BRD7: variants seen among roughly 807,000 people sequenced by gnomAD.
BRD7 encodes bromodomain-containing protein 7.
A neutral mutation model predicts 82.1 loss-of-function variants in BRD7; 15 were observed. The observed-to-expected ratio is 0.18, with a 90% CI of 0.12 to 0.28. BRD7 has a LOEUF of 0.28. Ranked by LOEUF, BRD7 falls within the 10% of genes least tolerant of loss-of-function variation. The pLI is 1.00. For missense variants in BRD7, 638 were observed against 779.9 expected (o/e 0.82, Z 2.17); for synonymous variants, 232 against 266.9 (o/e 0.87, Z 1.27).
intron 1 of BRD7, chr16:50,368,515 C>G (rs975001311): frequency 2.7e-6 from 2 of 728,642 alleles, no homozygotes; most frequent in African/African-American, 3.8e-5. Flanking sequence ...CACGTCTCCC[C>G]ACCAGAGACC....
rs1239550202 is a variant in BRD7 at position 50,324,666 on chromosome 16, C to T, written c.1332-968G>A. Among the ~76,000 whole-genome samples the T allele has an allele frequency of 2.0e-5, 3 of 152,340 alleles. No homozygotes were observed. In the East Asian group the frequency reaches 5.8e-4, roughly 29 times the overall value. On this transcript the variant is annotated intron_variant, in intron 11 of 16. Coordinates refer to ENST00000394688, the MANE Select transcript of BRD7 (RefSeq NM_013263.5). ...CTCACCTCCTTCAGTTTTTGCTCAA[C>T]TTTCCCTTTTGTACCAGACTTATCT...
At chr16:50,350,294 TAACTGAA>T (rs1209812542) in intron 4 of BRD7, 127 bp from the exon 5 acceptor site, 3 of 655,710 alleles carry the variant, frequency 4.6e-6, no homozygotes, top group African/African-American at 3.8e-5. Context: ...AACATATTTT[TAACTGAA>T]AACTGAAGAA....
chr16:50,348,027 T>C (rs137859616), intron 5 of BRD7, among the ~76,000 whole-genome samples: 22,737 of 152,150 alleles, frequency 0.15, 2,128 homozygotes, highest in Non-Finnish European at 0.21. Context: ...AAGACTACAG[T>C]AACCAAAACA....
intron 2 of BRD7, among the ~76,000 whole-genome samples, chr16:50,366,869 G>A (rs1362563): frequency 0.37 from 56,211 of 152,014 alleles, 12,046 homozygotes; most frequent in Middle Eastern, 0.49. Flanking sequence ...ATTGGGGTGA[G>A]GAAAACTTTT....
chr16:50,320,793 C>T lies in BRD7; in HGVS notation c.1501-19G>A. 1 of 1,554,258 alleles carries T rather than the reference C, an allele frequency of 6.4e-7. No individual in the cohort carries two copies. The stretch of plus-strand genomic sequence containing the variant: ...CTGTAATCTGCTTCAAAAGGAAAAA[C>T]AGGCAATTACTGGCGCTTGCTAAGC... On this transcript the variant is annotated intron_variant, in intron 13 of 16. Transcript: ENST00000394688.
chr16:50,350,009 G>A lies in BRD7; in HGVS notation c.591+14C>T, dbSNP rs1283126916. 6.4e-7 allele frequency: 1 copy of A among 1,560,472 alleles called. No homozygotes were observed. ...TTCTACCAAGATTTTGTGTATATAGGATTGAAGAGTTACCTTTAGTTCTTC... is the reference window on the plus strand; with the variant it reads ...TTCTACCAAGATTTTGTGTATATAGAATTGAAGAGTTACCTTTAGTTCTTC... On this transcript the variant is annotated intron_variant, in intron 5 of 16. Transcript: ENST00000394688.
At chr16:50,331,913 C>A (rs901857006) in intron 8 of BRD7, among the ~76,000 whole-genome samples, 1 of 152,124 alleles carries the variant, frequency 6.6e-6, no homozygotes, top group African/African-American at 2.4e-5. Flanking sequence ...CAATAAATGG[C>A]GCTAAGAAAA....
intron 9 of BRD7, among the ~76,000 whole-genome samples, chr16:50,327,214 A>C (rs368129789): frequency 6.6e-5 from 10 of 152,200 alleles, no homozygotes; most frequent in African/African-American, 2.4e-4. Context: ...AAACCATGAA[A>C]GTGGCCTACA....
At position 50,344,149 on chromosome 16, in the gene BRD7, G is replaced by C. The variant is rs568139623; in HGVS notation, c.592-4063C>G. ...CCTCTGCTGGTGATACCCAAACAGG[G>C]TCTGGAGTAGACCCCCAGCAAACTC... is the stretch of plus-strand genomic sequence containing the variant. On this transcript the variant is annotated intron_variant, in intron 5 of 16. Coordinates refer to ENST00000394688, the MANE Select transcript of BRD7 (RefSeq NM_013263.5). Among the ~76,000 whole-genome samples, 3 of 145,908 alleles carry C rather than the reference G, an allele frequency of 2.1e-5. No homozygotes were observed. The Admixed American group carries it at 2.1e-4, about 10-fold the overall frequency.
rs1205618798 is a variant in BRD7 at position 50,317,749 on chromosome 16, ATTTTG to A, written c.*1457_*1461del. ...AAATTACCAAGTAATTACTGGTGTC[ATTTTG>A]TTTTATGACAGACACACGTATCTAA... On this transcript the variant is annotated 3_prime_UTR_variant, in exon 17 of 17. Coordinates refer to ENST00000394688, the MANE Select transcript of BRD7 (RefSeq NM_013263.5). The A allele has an allele frequency of 6.6e-6, 1 of 152,350 alleles. No individual in the cohort carries two copies. Among genetic ancestry groups the A allele is most frequent in the Admixed American group, 6.5e-5 (1 of 15,288 alleles). 9.4% of individuals were successfully genotyped at this position (152,350 alleles called of 1,614,324 possible).
Position 50,319,759 on chromosome 16 carries a change from TA to T in BRD7, c.1900+127del, listed in dbSNP as rs1473262014. ...CTTTTATGTTAGGGACTTGAGCATC[TA>T]CAGATTTTGCTATCTTTGTGGGGTA... On this transcript the variant is annotated intron_variant, in intron 16 of 16. Transcript: ENST00000394688. The T allele has an allele frequency of 5.0e-6, 6 of 1,201,008 alleles. No homozygotes were observed. In the East Asian group the frequency reaches 1.4e-4, roughly 28 times the overall value. The allele number at this position is 1,201,008 out of a possible 1,614,324, so 74.4% of individuals were successfully genotyped here. A position where few individuals can be genotyped will look rare whatever the true frequency, so the allele number is the denominator to read the frequency against.
At chr16:50,356,773 T>C (rs1301677497) in intron 2 of BRD7, among the ~76,000 whole-genome samples, 3 of 151,864 alleles carry the variant, frequency 2.0e-5, no homozygotes, top group Non-Finnish European at 2.9e-5. Flanking sequence ...TATGGCTAAA[T>C]GTTGAGATCT....
Position 50,368,867 on chromosome 16 carries a change from G to T in BRD7, c.-93C>A, listed in dbSNP as rs2039266683. 15 of 907,364 alleles carry T rather than the reference G, an allele frequency of 1.7e-5. No homozygotes were observed. The highest frequency in any genetic ancestry group is 2.0e-5 in the Non-Finnish European group (15 of 736,010). 56.2% of individuals were successfully genotyped at this position (907,364 alleles called of 1,614,324 possible). A position where few individuals can be genotyped will look rare whatever the true frequency, so the allele number is the denominator to read the frequency against. The stretch of plus-strand genomic sequence containing the variant: ...GGCCAGGCGAGCGGAGGGCGGGAGC[G>T]GGGCCCGCGAGACCCCGCGCCGCGA... On this transcript the variant is annotated 5_prime_UTR_variant, in exon 1 of 17. Transcript: ENST00000394688.
In BRD7 at chr16:50,318,461, G is replaced by T. The variant is rs190257513; in HGVS notation, c.*750C>A. 1 of 152,120 alleles carries T rather than the reference G, an allele frequency of 6.6e-6. No homozygotes were observed. The highest frequency in any genetic ancestry group is 1.9e-4 in the East Asian group (1 of 5,190). The allele number at this position is 152,120 out of a possible 1,614,324, so 9.4% of individuals were successfully genotyped here. ...CCTTGTGTATAACAGGTTCTATACC[G>T]ATTCAGCAAAATCACCATTTATCTC... On this transcript the variant is annotated 3_prime_UTR_variant, in exon 17 of 17. Transcript: ENST00000394688.
chr16:50,346,504 C>G (rs2038289498), intron 5 of BRD7, among the ~76,000 whole-genome samples: 1 of 152,034 alleles, frequency 6.6e-6, no homozygotes, highest in Non-Finnish European at 1.5e-5. Flanking sequence ...AAAAGATCAA[C>G]AAAATTGATA....
rs778365935 is a variant in BRD7 at position 50,327,245 on chromosome 16, G to A, written c.1088-854C>T. The stretch of plus-strand genomic sequence containing the variant: ...CTACAGAGGGAGCTGTGCACACGGG[G>A]AGCCAAGTCAGCTTTGGCCACATTT... On this transcript the variant is annotated intron_variant, in intron 9 of 16. Transcript: ENST00000394688. 2.0e-5 allele frequency among the ~76,000 whole-genome samples: 3 copies of A among 152,278 alleles called. No homozygotes were observed. The East Asian group carries it at 5.8e-4, about 29-fold the overall frequency.
intron 8 of BRD7, among the ~76,000 whole-genome samples, chr16:50,330,631 A>G (rs1054401755): frequency 2.0e-5 from 3 of 152,176 alleles, no homozygotes; most frequent in Admixed American, 6.5e-5. Flanking sequence ...GTATGTCTAT[A>G]TATGTGTCAT....
intron 2 of BRD7, among the ~76,000 whole-genome samples, chr16:50,366,239 G>T (rs914156407): frequency 5.3e-5 from 8 of 152,180 alleles, no homozygotes; most frequent in Non-Finnish European, 1.2e-4. Context: ...CGTTCCTAGA[G>T]TTAAGAGTCC....
intron 5 of BRD7, among the ~76,000 whole-genome samples, chr16:50,348,080 A>G (rs2038363561): frequency 6.6e-6 from 1 of 152,254 alleles, no homozygotes; most frequent in Non-Finnish European, 1.5e-5. Flanking sequence ...ACAATGGAAC[A>G]GAACAGAGCA....
Sources: allele counts gnomAD v4.1 joint callset (sites outside exome capture counted in the v4.1 genomes callset), GRCh38; gene constraint gnomAD v4.1.1; transcripts MANE v1.5; gene names NCBI Gene and HGNC (gene_info 2026-07-23, HGNC 2026-07-21).